Variants in OGFOD2 observed in about 807,000 individuals in gnomAD.
OGFOD2 encodes 2-oxoglutarate and iron dependent oxygenase domain containing 2, also known as 2-oxoglutarate and iron-dependent oxygenase domain-containing protein 2.
In OGFOD2, 34 loss-of-function variants were observed where a neutral mutation model predicts 31.1. The ratio of observed to expected loss-of-function variants is 1.09; its 90% CI spans 0.83 to 1.45. The LOEUF is 1.45. OGFOD2 is among the 40% of genes most tolerant of loss of function. The pLI, the probability that OGFOD2 is intolerant of heterozygous loss-of-function variation, is 0.00. For synonymous variants in OGFOD2, 240 were observed against 192.3 expected (o/e 1.25, Z -2.05); for missense variants, 537 against 433.9 (o/e 1.24, Z -2.11).
exon 7 of OGFOD2, chr12:122,979,242 T>C (rs963311607): frequency 6.2e-7 from 1 of 1,612,972 alleles, no homozygotes; most frequent in East Asian, 2.2e-5. Flanking sequence ...CAACAGCCTC[T>C]GTCCCATGTG....
At chr12:122,979,327 A>G in exon 7 of OGFOD2, 1 of 1,610,250 alleles carries the variant, frequency 6.2e-7, no homozygotes, top group Admixed American at 1.7e-5. Context: ...GCCACGGTGG[A>G]TGTATGTGCG....
At chr12:122,979,825 C>T (rs955650510) in exon 7 of OGFOD2, 5 of 208,992 alleles carry the variant, frequency 2.4e-5, no homozygotes, top group Non-Finnish European at 3.8e-5. Flanking sequence ...CCAGTGGACT[C>T]GGGTGGGCCA....
upstream of OGFOD2, chr12:122,975,156 A>T (rs2037371584): frequency 8.1e-6 from 4 of 495,614 alleles, no homozygotes; most frequent in Non-Finnish European, 1.5e-5. Flanking sequence ...TTGGGAACTT[A>T]GAGCGGCCCC....
chr12:122,976,506 A>T (rs2037435095), intron 2 of OGFOD2, 148 bp from the exon 3 acceptor site: 1 of 1,384,142 alleles, frequency 7.2e-7, no homozygotes, highest in African/African-American at 1.4e-5. Flanking sequence ...TGGAACTTGC[A>T]GTTGACCCAG....
At chr12:122,979,365 TG>T (rs764390775) in exon 7 of OGFOD2, 6 of 1,579,970 alleles carry the variant, frequency 3.8e-6, no homozygotes, top group Non-Finnish European at 1.7e-6. Context: ...GGGCCCAGTG[TG>T]GGGGTGGCAG....
At position 122,977,105 on chromosome 12, in the gene OGFOD2, G is replaced by A. The variant is rs762983048; in HGVS notation, c.403+135G>A. ...ACCAGCAGGAGCTGGAAGGGTCAGT[G>A]GGACCAACCTGCCAGGAGCAGGACA... is the stretch of plus-strand genomic sequence containing the variant. On this transcript the variant is annotated intron_variant, in intron 4 of 6. Coordinates refer to ENST00000228922, the Ensembl canonical transcript of OGFOD2. 18 of 764,372 alleles carry A rather than the reference G, an allele frequency of 2.4e-5. No individual in the cohort carries two copies. The Admixed American group carries it at 3.6e-4, about 15-fold the overall frequency. 47.3% of individuals were successfully genotyped at this position (764,372 alleles called of 1,614,324 possible). A position where few individuals can be genotyped will look rare whatever the true frequency, so the allele number is the denominator to read the frequency against.
chr12:122,978,693 G>T (rs1451425124), intron 5 of OGFOD2, 60 bp from the exon 6 acceptor site: 25 of 1,587,998 alleles, frequency 1.6e-5, no homozygotes, highest in Non-Finnish European at 2.0e-5. Flanking sequence ...TCACCGTGGA[G>T]TGGAAGCCCA....
chr12:122,978,279 C>T lies in OGFOD2; in HGVS notation c.404-163C>T, dbSNP rs548645544. 16 of 794,812 alleles carry T rather than the reference C, an allele frequency of 2.0e-5. No individual in the cohort carries two copies. The Admixed American group carries it at 2.9e-4, about 14-fold the overall frequency. The allele number at this position is 794,812 out of a possible 1,614,324, so 49.2% of individuals were successfully genotyped here. The stretch of plus-strand genomic sequence containing the variant: ...GGGCATAAGTGGGGGGCATGGGAAT[C>T]GGCCTCCCCTGCTCCTCATGTTACT... On this transcript the variant is annotated intron_variant, in intron 4 of 6. Coordinates refer to ENST00000228922, the Ensembl canonical transcript of OGFOD2.
chr12:122,976,408 C>G (rs764510564), intron 2 of OGFOD2: 1 of 1,613,756 alleles, frequency 6.2e-7, no homozygotes, highest in Admixed American at 1.7e-5. Flanking sequence ...TGAGGTACAT[C>G]TAGGGGTTCT....
exon 7 of OGFOD2, chr12:122,979,193 T>C (rs1427097020): frequency 2.5e-6 from 4 of 1,611,982 alleles, no homozygotes; most frequent in Admixed American, 1.7e-5. Context: ...CTGGTGAGCG[T>C]TGGAACCTTG....
chr12:122,979,595 T>G (rs1339107218), exon 7 of OGFOD2: 1 of 538,812 alleles, frequency 1.9e-6, no homozygotes, highest in Non-Finnish European at 3.3e-6. Context: ...GGAAGTGGCT[T>G]CAGAGGACGT....
At chr12:122,977,214 A>G (rs1674836328) in intron 4 of OGFOD2, 1 of 535,102 alleles carries the variant, frequency 1.9e-6, no homozygotes, top group Non-Finnish European at 3.5e-6. Context: ...TCATCCAGCA[A>G]ATAGTGGATA....
At chr12:122,975,998 G>GC (rs2037413805) in intron 2 of OGFOD2, 131 bp downstream of exon 2, 3 of 643,436 alleles carry the variant, frequency 4.7e-6, no homozygotes, top group Non-Finnish European at 8.6e-6. Context: ...CCTCCTTCCT[G>GC]CCCCCCACTC....
intron 4 of OGFOD2, chr12:122,977,428 G>GATC: frequency 1.4e-5 from 3 of 207,720 alleles, no homozygotes; most frequent in South Asian, 6.6e-5. Flanking sequence ...CAAACTCCAA[G>GATC]TAGGGCAAAA....
At chr12:122,978,389 C>A in intron 4 of OGFOD2, 53 bp from the exon 5 acceptor site, 1 of 1,603,226 alleles carries the variant, frequency 6.2e-7, no homozygotes, top group African/African-American at 1.3e-5. Flanking sequence ...GAAGCCCAGG[C>A]CTGGCCGGCC....
rs199742762 is a variant in OGFOD2 at position 122,978,910 on chromosome 12, T to A, written c.689T>A (p.Leu230Gln). 3.8e-5 allele frequency: 62 copies of A among 1,612,930 alleles called. No homozygotes were observed. The highest frequency in any genetic ancestry group is 4.4e-5 in the Non-Finnish European group (52 of 1,179,988). ...GTCAAATACGCACCGGGCCAGGACC[T>A]GGAGCTGGGCTGCCACTATGATAAT... Residue 230 changes from leucine to glutamine, a missense_variant, in exon 6 of 7, where the codon CTG becomes CAG. Physicochemically the swap from Leu to Gln is moderately radical, Grantham distance 113. Transcript: ENST00000228922.
At chr12:122,975,926 G>A (rs1428766109) in intron 2 of OGFOD2, 59 bp downstream of exon 2, 1 of 691,698 alleles carries the variant, frequency 1.4e-6, no homozygotes, top group African/African-American at 1.8e-5. Context: ...CGCAGCTTGA[G>A]GACACAGCTT....
intron 2 of OGFOD2, 158 bp from the exon 3 acceptor site, chr12:122,976,496 T>G: frequency 6.9e-7 from 1 of 1,442,628 alleles, no homozygotes; most frequent in Non-Finnish European, 9.7e-7. Context: ...GCTAACAGTC[T>G]GGAACTTGCA....
In OGFOD2 at chr12:122,975,403, C is replaced by T; in HGVS notation, c.132+20C>T. ...GGCCCGGTGAGTGGCCGCTGTCGTC[C>T]CTACGGAGCAGTGGGCAGAGAGGGG... On this transcript the variant is annotated intron_variant, in intron 1 of 6. Transcript: ENST00000228922. The T allele has an allele frequency of 2.9e-6, 2 of 689,574 alleles. No individual in the cohort carries two copies. Among genetic ancestry groups the T allele is most frequent in the Non-Finnish European group, 2.7e-6 (1 of 376,840 alleles). The allele number at this position is 689,574 out of a possible 1,614,324, so 42.7% of individuals were successfully genotyped here.
Sources: allele counts gnomAD v4.1 joint callset, GRCh38; gene constraint gnomAD v4.1.1; transcripts MANE v1.5; gene names NCBI Gene and HGNC (gene_info 2026-07-23, HGNC 2026-07-21).